The following PIEZO2 variants were observed in gnomAD, a reference collection of about 807,000 sequenced individuals.
The protein encoded by PIEZO2 is piezo type mechanosensitive ion channel component 2.
A neutral mutation model predicts 337.3 loss-of-function variants in PIEZO2; 172 were observed. The observed-to-expected ratio is 0.51, with a 90% CI of 0.45 to 0.58. PIEZO2 has a LOEUF of 0.58. Among genes scored for constraint, PIEZO2 ranks in the 20% least tolerant of loss-of-function variants. The pLI is 0.00. For synonymous variants in PIEZO2, 1,251 were observed against 1,228.5 expected, an observed-to-expected ratio of 1.02 and a Z score of -0.38; for missense variants, 3,028 against 3,391.3, an observed-to-expected ratio of 0.89 and a Z score of 2.66.
At chr18:11,090,311 A>AAGGG (rs2039037850) in intron 1 of PIEZO2, among the ~76,000 whole-genome samples, 1 of 152,198 alleles carries the variant, frequency 6.6e-6, no homozygotes, top group African/African-American at 2.4e-5. Context: ...GGAAAGAAAA[A>AAGGG]AGGGAGGGAG....
chr18:10,742,697 C>G (rs1431331827), intron 31 of PIEZO2, 82 bp from the exon 32 acceptor site: 14 of 1,407,816 alleles, frequency 9.9e-6, no homozygotes, highest in Non-Finnish European at 1.3e-5. Flanking sequence ...TATGCTGTTA[C>G]GTATATAGCT....
chr18:10,842,236 C>T (rs915765590), intron 7 of PIEZO2, among the ~76,000 whole-genome samples: 5 of 151,352 alleles, frequency 3.3e-5, no homozygotes, highest in African/African-American at 1.2e-4. Flanking sequence ...TAAAACACAA[C>T]TGCTTTTGCA....
intron 31 of PIEZO2, among the ~76,000 whole-genome samples, chr18:10,743,073 AT>A (rs1279620372): frequency 6.6e-6 from 1 of 152,216 alleles, no homozygotes; most frequent in Non-Finnish European, 1.5e-5. Context: ...TTAGGAACAT[AT>A]TCTAAACATG....
chr18:10,695,505 G>A (rs2035041260), intron 47 of PIEZO2, among the ~76,000 whole-genome samples: 1 of 152,152 alleles, frequency 6.6e-6, no homozygotes, highest in Non-Finnish European at 1.5e-5. Context: ...AGTCCAGCAG[G>A]ATGGGTCTGC....
At chr18:10,930,691 T>A (rs767422172) in intron 3 of PIEZO2, among the ~76,000 whole-genome samples, 21 of 152,242 alleles carry the variant, frequency 1.4e-4, no homozygotes, top group Non-Finnish European at 2.5e-4. Context: ...CATGATCTGG[T>A]CACATTTACT....
In PIEZO2 at chr18:11,146,027, A is replaced by G. The variant is rs749190736; in HGVS notation, c.64+2498T>C. ...CTCATACTCACACTCACACATACTCATAACACATGTGCACACTCACACTTA... is the reference window on the plus strand; with the variant it reads ...CTCATACTCACACTCACACATACTCGTAACACATGTGCACACTCACACTTA... On this transcript the variant is annotated intron_variant, in intron 1 of 55. Coordinates refer to ENST00000674853, the MANE Select transcript of PIEZO2 (RefSeq NM_001378183.1). This position sits in a 1 kb window ranked among gnomAD's most constrained non-coding sequence, Gnocchi z 6.1. Among the ~76,000 whole-genome samples the G allele has an allele frequency of 1.3e-5, 2 of 152,140 alleles. No homozygotes were observed. The highest frequency in any genetic ancestry group is 4.8e-5 in the African/African-American group (2 of 41,442).
In PIEZO2 at chr18:11,016,484, G is replaced by C. The variant is rs1215900345; in HGVS notation, c.161-36824C>G. 6.6e-6 allele frequency among the ~76,000 whole-genome samples: 1 copy of C among 152,192 alleles called. No homozygotes were observed. The highest frequency in any genetic ancestry group is 1.5e-5 in the Non-Finnish European group (1 of 68,038). On this transcript the variant is annotated intron_variant, in intron 2 of 55. Coordinates refer to ENST00000674853, the MANE Select transcript of PIEZO2 (RefSeq NM_001378183.1). The surrounding 1 kb of genome is among the most constrained non-coding windows in gnomAD (Gnocchi z 5.6). ...AACCCCTAGGAACCCCCTGCAAAGG[G>C]TGGGTATGAGGGGGGTCGGGTTAAG...
intron 2 of PIEZO2, among the ~76,000 whole-genome samples, chr18:11,062,396 A>G (rs1003279700): frequency 1.3e-5 from 2 of 152,360 alleles, no homozygotes; most frequent in South Asian, 4.1e-4. Flanking sequence ...AACAAAAGCC[A>G]AAATTGACAA....
chr18:11,107,631 C>G (rs1327414231), intron 1 of PIEZO2, among the ~76,000 whole-genome samples: 1 of 152,174 alleles, frequency 6.6e-6, no homozygotes, highest in East Asian at 1.9e-4. Context: ...CACTGAGACT[C>G]ACGTTTAATA....
At position 10,929,810 on chromosome 18, in the gene PIEZO2, G is replaced by T. The variant is rs1210144572; in HGVS notation, c.287-18582C>A. On this transcript the variant is annotated intron_variant, in intron 3 of 55. Coordinates refer to ENST00000674853, the MANE Select transcript of PIEZO2 (RefSeq NM_001378183.1). The surrounding 1 kb of genome is among the most constrained non-coding windows in gnomAD (Gnocchi z 5.6). ...TTATTATTTCCTGATCCTCCTTTAT[G>T]GTGCTGTAAACAAAAATAAAATTCT... Among the ~76,000 whole-genome samples the T allele has an allele frequency of 6.6e-6, 1 of 152,096 alleles. No individual in the cohort carries two copies. Among genetic ancestry groups the T allele is most frequent in the Non-Finnish European group, 1.5e-5 (1 of 68,018 alleles).
intron 3 of PIEZO2, among the ~76,000 whole-genome samples, chr18:10,916,095 A>G (rs945172906): frequency 6.6e-6 from 1 of 152,274 alleles, no homozygotes; most frequent in East Asian, 1.9e-4. Context: ...CCACCAGAGT[A>G]GCTAGACACA....
intron 5 of PIEZO2, among the ~76,000 whole-genome samples, chr18:10,866,486 T>C (rs1251391132): frequency 4.6e-5 from 7 of 152,108 alleles, no homozygotes; most frequent in South Asian, 2.1e-4. Context: ...AGGGTTTCAC[T>C]GTGTTAGCCA....
At chr18:10,882,702 G>A (rs1334806134) in intron 4 of PIEZO2, among the ~76,000 whole-genome samples, 2 of 151,992 alleles carry the variant, frequency 1.3e-5, no homozygotes, top group Non-Finnish European at 2.9e-5. Context: ...ATATGAATGA[G>A]GACATGGGAT....
intron 7 of PIEZO2, among the ~76,000 whole-genome samples, chr18:10,825,762 G>C (rs1439377669): frequency 6.6e-6 from 1 of 151,730 alleles, no homozygotes; most frequent in Non-Finnish European, 1.5e-5. Flanking sequence ...TGTTGGCCAG[G>C]CTAGTCTCGA....
At chr18:11,049,672 C>G (rs557432667) in intron 2 of PIEZO2, among the ~76,000 whole-genome samples, 1 of 152,162 alleles carries the variant, frequency 6.6e-6, no homozygotes, top group African/African-American at 2.4e-5. Flanking sequence ...ACTGTTCTCA[C>G]GGTAGTAAGT....
intron 13 of PIEZO2, among the ~76,000 whole-genome samples, chr18:10,793,731 G>T (rs2039487689): frequency 6.6e-6 from 1 of 152,118 alleles, no homozygotes; most frequent in South Asian, 2.1e-4. Flanking sequence ...AGTATAACGT[G>T]GGATTTTCAG....
At chr18:10,992,650 G>T (rs1193962693) in intron 2 of PIEZO2, among the ~76,000 whole-genome samples, 1 of 152,190 alleles carries the variant, frequency 6.6e-6, no homozygotes, top group East Asian at 1.9e-4. Flanking sequence ...ATAGTTTGAA[G>T]TCAGGTACCG....
At position 10,954,686 on chromosome 18, in the gene PIEZO2, G is replaced by C. The variant is rs1434266536; in HGVS notation, c.286+24849C>G. The stretch of plus-strand genomic sequence containing the variant: ...CGAAGTCCACTGCAGTCCACTTTTG[G>C]GACTGGTTGCCATGGTGATGGCTGT... On this transcript the variant is annotated intron_variant, in intron 3 of 55. Coordinates refer to ENST00000674853, the MANE Select transcript of PIEZO2 (RefSeq NM_001378183.1). The surrounding 1 kb of genome is among the most constrained non-coding windows in gnomAD (Gnocchi z 4.2). Among the ~76,000 whole-genome samples the C allele has an allele frequency of 6.6e-6, 1 of 152,156 alleles. No homozygotes were observed. The highest frequency in any genetic ancestry group is 6.5e-5 in the Admixed American group (1 of 15,272).
At position 11,009,753 on chromosome 18, in the gene PIEZO2, A is replaced by T. The variant is rs1173242136; in HGVS notation, c.161-30093T>A. 6.6e-6 allele frequency among the ~76,000 whole-genome samples: 1 copy of T among 152,092 alleles called. No homozygotes were observed. The highest frequency in any genetic ancestry group is 1.5e-5 in the Non-Finnish European group (1 of 68,020). On this transcript the variant is annotated intron_variant, in intron 2 of 55. Transcript: ENST00000674853. The surrounding 1 kb of genome is among the most constrained non-coding windows in gnomAD (Gnocchi z 4.6). ...TTGAGATAGGGCCTTTAAAGAGGTA[A>T]TTCAGGTAGCACGAGGTCATAGAGG...
Sources: allele counts gnomAD v4.1 joint callset (sites outside exome capture counted in the v4.1 genomes callset), GRCh38; gene constraint gnomAD v4.1.1; non-coding constraint Gnocchi (gnomAD v3.1); transcripts MANE v1.5; gene names NCBI Gene and HGNC (gene_info 2026-07-23, HGNC 2026-07-21).